GLI2: variants seen among roughly 807,000 people sequenced by gnomAD.
The protein encoded by GLI2 is transcription activator GLI2.
Under a neutral mutation model 78.9 loss-of-function variants are expected in GLI2, and 22 were observed. The ratio of observed to expected loss-of-function variants is 0.28; its 90% CI spans 0.20 to 0.40. The LOEUF is 0.40. GLI2 is among the 10% of genes least tolerant of loss of function. The pLI is 1.00. For missense variants in GLI2, 2,097 were observed against 2,213.2 expected, an observed-to-expected ratio of 0.95 and a Z score of 1.05; for synonymous variants, 974 against 963.7, an observed-to-expected ratio of 1.01 and a Z score of -0.20.
rs1682332289 is a variant in GLI2 at position 120,735,894 on chromosome 2, C to T, written c.-422C>T. On this transcript the variant is annotated 5_prime_UTR_variant, in exon 1 of 14. Transcript: ENST00000361492. The stretch of plus-strand genomic sequence containing the variant: ...CTGATGGATTGCAGAAGTGCCGGCG[C>T]TTGCCAGCCGAGGCAGCACGGCTCC... Among the ~76,000 whole-genome samples, 2 of 151,986 alleles carry T rather than the reference C, an allele frequency of 1.3e-5. No individual in the cohort carries two copies. Among genetic ancestry groups the T allele is most frequent in the Admixed American group, 6.5e-5 (1 of 15,272 alleles).
intron 2 of GLI2, among the ~76,000 whole-genome samples, chr2:120,915,953 G>A (rs1679076471): frequency 6.6e-6 from 1 of 152,222 alleles, no homozygotes; most frequent in South Asian, 2.1e-4. Flanking sequence ...TCTCCAGTTA[G>A]TACAATGCCT....
chr2:120,826,046 G>A (rs933073540), intron 2 of GLI2, among the ~76,000 whole-genome samples: 3 of 152,180 alleles, frequency 2.0e-5, no homozygotes, highest in East Asian at 1.9e-4. Flanking sequence ...GGTGACGGCC[G>A]CCTTTGTTAT....
At chr2:120,843,788 T>C (rs1332963947) in intron 2 of GLI2, among the ~76,000 whole-genome samples, 1 of 152,214 alleles carries the variant, frequency 6.6e-6, no homozygotes, top group Non-Finnish European at 1.5e-5. Flanking sequence ...TGTCTCAGTC[T>C]CCCAAGTAGC....
At chr2:120,872,279 G>A (rs1340348238) in intron 2 of GLI2, among the ~76,000 whole-genome samples, 3 of 152,218 alleles carry the variant, frequency 2.0e-5, no homozygotes, top group Admixed American at 6.5e-5. Context: ...ACAGAGACTG[G>A]ACCCAGGTTC....
intron 2 of GLI2, among the ~76,000 whole-genome samples, chr2:120,809,495 A>G (rs137988341): frequency 2.0e-5 from 3 of 152,326 alleles, no homozygotes; most frequent in African/African-American, 7.2e-5. Flanking sequence ...TGTGGACTTT[A>G]CAAGGGTGCA....
At chr2:120,771,037 C>A (rs992717059) in intron 1 of GLI2, among the ~76,000 whole-genome samples, 1 of 152,234 alleles carries the variant, frequency 6.6e-6, no homozygotes, top group African/African-American at 2.4e-5. Flanking sequence ...GCCTGTGGCT[C>A]TGTGGCAGCG....
At chr2:120,901,092 C>A (rs1057098309) in intron 2 of GLI2, among the ~76,000 whole-genome samples, 5 of 152,126 alleles carry the variant, frequency 3.3e-5, no homozygotes, top group Admixed American at 3.3e-4. Flanking sequence ...TATTTTCTTT[C>A]AAAATAAAGC....
intron 1 of GLI2, among the ~76,000 whole-genome samples, chr2:120,740,599 T>C (rs1365097136): frequency 6.6e-6 from 1 of 152,166 alleles, no homozygotes; most frequent in Non-Finnish European, 1.5e-5. Context: ...CCATTGAGAT[T>C]CTTCTGCAGC....
At chr2:120,899,105 C>T (rs1203092974) in intron 2 of GLI2, among the ~76,000 whole-genome samples, 1 of 152,198 alleles carries the variant, frequency 6.6e-6, no homozygotes, top group Non-Finnish European at 1.5e-5. Context: ...CTCTGAAGGA[C>T]AGCAAGCCTC....
At chr2:120,740,207 A>G (rs1682487705) in intron 1 of GLI2, among the ~76,000 whole-genome samples, 1 of 152,244 alleles carries the variant, frequency 6.6e-6, no homozygotes, top group Admixed American at 6.5e-5. Context: ...TGCACAGATG[A>G]TAACGGTATA....
At chr2:120,757,795 G>T (rs1198058770) in intron 1 of GLI2, among the ~76,000 whole-genome samples, 2 of 152,184 alleles carry the variant, frequency 1.3e-5, no homozygotes, top group African/African-American at 4.8e-5. Flanking sequence ...CCGTGGCCTG[G>T]AAACACTCTC....
At chr2:120,974,925 G>T (rs201823427) in intron 8 of GLI2, 50 bp from the exon 9 acceptor site, 2 of 1,614,172 alleles carry the variant, frequency 1.2e-6, no homozygotes, top group Non-Finnish European at 8.5e-7. Context: ...TCTTTTCAGG[G>T]CCAGGTGTCT....
chr2:120,875,253 G>A (rs1688677443), intron 2 of GLI2, among the ~76,000 whole-genome samples: 1 of 152,268 alleles, frequency 6.6e-6, no homozygotes, highest in South Asian at 2.1e-4. Flanking sequence ...AGTGTCTGTT[G>A]TTGGCTCTGG....
At chr2:120,877,782 G>A (rs1051156075) in intron 2 of GLI2, among the ~76,000 whole-genome samples, 2 of 152,072 alleles carry the variant, frequency 1.3e-5, no homozygotes, top group African/African-American at 4.8e-5. Flanking sequence ...ATGTTGATGG[G>A]CATTTGGGTT....
At chr2:120,875,132 C>G (rs1688672000) in intron 2 of GLI2, among the ~76,000 whole-genome samples, 1 of 152,250 alleles carries the variant, frequency 6.6e-6, no homozygotes, top group African/African-American at 2.4e-5. Flanking sequence ...GTGCCTGTGC[C>G]TGGCATGGGG....
intron 1 of GLI2, among the ~76,000 whole-genome samples, chr2:120,786,269 G>A (rs896808858): frequency 1.6e-4 from 24 of 152,204 alleles, no homozygotes; most frequent in Admixed American, 6.5e-4. Flanking sequence ...AGGGTCCCAG[G>A]TCAGCCCAGC....
chr2:120,983,554 C>T (rs547321268), intron 11 of GLI2, among the ~76,000 whole-genome samples: 3 of 152,330 alleles, frequency 2.0e-5, no homozygotes, highest in African/African-American at 7.2e-5. Context: ...CAGTGACATG[C>T]TCCAGCTGTT....
chr2:120,981,160 C>T (rs1362176601), intron 10 of GLI2, among the ~76,000 whole-genome samples: 4 of 152,214 alleles, frequency 2.6e-5, no homozygotes, highest in Admixed American at 6.5e-5. Context: ...GGATTACAGG[C>T]GTGAGCCACC....
chr2:120,751,577 A>G (rs1275864699), intron 1 of GLI2, among the ~76,000 whole-genome samples: 2 of 152,202 alleles, frequency 1.3e-5, no homozygotes, highest in African/African-American at 4.8e-5. Flanking sequence ...ATAAAAGCAG[A>G]TCCTTTATAA....
Sources: gnomAD v4.1 joint callset for allele counts (sites outside exome capture counted in the v4.1 genomes callset) on GRCh38, gnomAD v4.1.1 for gene constraint, MANE v1.5 for transcripts, NCBI Gene and HGNC (gene_info 2026-07-23, HGNC 2026-07-21) for gene names.